KCNB2: variants seen among roughly 807,000 people sequenced by gnomAD.
KCNB2 encodes the protein potassium voltage-gated channel subfamily B member 2.
A neutral mutation model predicts 61.5 loss-of-function variants in KCNB2; 15 were observed. The observed-to-expected ratio is 0.24, with a 90% CI of 0.16 to 0.38. KCNB2 has a LOEUF of 0.38. Ranked by LOEUF, KCNB2 falls within the 10% of genes least tolerant of loss-of-function variation. KCNB2 has a pLI of 1.00. For synonymous variants in KCNB2, 457 were observed against 446.0 expected, an observed-to-expected ratio of 1.02 and a Z score of -0.31; for missense variants, 828 against 1,125.2, an observed-to-expected ratio of 0.74 and a Z score of 3.78.
intron 2 of KCNB2, among the ~76,000 whole-genome samples, chr8:72,597,785 C>G (rs1807222643): frequency 6.6e-6 from 1 of 152,122 alleles, no homozygotes; most frequent in Non-Finnish European, 1.5e-5. Context: ...CTAACTTTAT[C>G]AGCCAGGAAG....
intron 1 of KCNB2, among the ~76,000 whole-genome samples, chr8:72,558,161 C>G (rs923766270): frequency 6.6e-6 from 1 of 152,194 alleles, no homozygotes; most frequent in African/African-American, 2.4e-5. Flanking sequence ...TAACTCACGT[C>G]AAGTAGATGT....
rs571167493 is a variant in KCNB2, at chr8:72,542,339, C to T, written c.-94+4454C>T. The stretch of plus-strand genomic sequence containing the variant: ...GGTTCAATCACATTGTATAGCCAAC[C>T]TTGAACCTACAATTGGCTTATTAGA... On this transcript the variant is annotated intron_variant, in intron 1 of 2. Transcript: ENST00000523207. Among the ~76,000 whole-genome samples, 5 of 152,190 alleles carry T rather than the reference C, an allele frequency of 3.3e-5. No individual in the cohort carries two copies. The South Asian group carries it at 1.0e-3, about 32-fold the overall frequency.
chr8:72,654,848 C>A (rs1483155229), intron 2 of KCNB2, among the ~76,000 whole-genome samples: 1 of 152,082 alleles, frequency 6.6e-6, no homozygotes, highest in African/African-American at 2.4e-5. Flanking sequence ...TTATACATAG[C>A]GAGTGGAATG....
At chr8:72,767,513 TATA>T (rs1459827612) in intron 2 of KCNB2, among the ~76,000 whole-genome samples, 9 of 151,050 alleles carry the variant, frequency 6.0e-5, no homozygotes, top group Non-Finnish European at 1.2e-4. Context: ...TTTCACTCAG[TATA>T]ATGTTTTTAA....
At chr8:72,785,314 G>A (rs1345356830) in intron 2 of KCNB2, among the ~76,000 whole-genome samples, 4 of 152,092 alleles carry the variant, frequency 2.6e-5, no homozygotes, top group African/African-American at 7.2e-5. Context: ...AGGGAAAAAA[G>A]CAATTATAAA....
rs192640262 is a variant in KCNB2 at position 72,797,671 on chromosome 8, T to C, written c.580-138264T>C. Among the ~76,000 whole-genome samples, 491 of 152,356 alleles carry C rather than the reference T, an allele frequency of 3.2e-3. 3 individuals carry two copies. Among genetic ancestry groups the C allele is most frequent in the Non-Finnish European group, 5.9e-3 (402 of 68,042 alleles). ...TTTCTCATCCATCTGGGATAACCCA[T>C]GCTGACAAAGCTTAGCTCTGTGAAA... On this transcript the variant is annotated intron_variant, in intron 2 of 2. Coordinates refer to ENST00000523207, the MANE Select transcript of KCNB2 (RefSeq NM_004770.3).
At chr8:72,909,217 T>G in intron 2 of KCNB2, among the ~76,000 whole-genome samples, 1 of 152,140 alleles carries the variant, frequency 6.6e-6, no homozygotes, top group East Asian at 1.9e-4. Context: ...CTCACATTGG[T>G]GTAGCTCATG....
chr8:72,856,667 T>C (rs1300033340), intron 2 of KCNB2, among the ~76,000 whole-genome samples: 1 of 152,206 alleles, frequency 6.6e-6, no homozygotes, highest in Non-Finnish European at 1.5e-5. Context: ...TCCTCTGTTT[T>C]TTATGAATCC....
chr8:72,541,206 A>G (rs189297234), intron 1 of KCNB2, among the ~76,000 whole-genome samples: 26 of 151,912 alleles, frequency 1.7e-4, no homozygotes, highest in African/African-American at 4.8e-4. Context: ...TCATTAAAAT[A>G]TTTAATTTTA....
chr8:72,706,542 G>A (rs1395846922), intron 2 of KCNB2, among the ~76,000 whole-genome samples: 1 of 152,114 alleles, frequency 6.6e-6, no homozygotes, highest in Non-Finnish European at 1.5e-5. Flanking sequence ...ATGGTGCCAG[G>A]TTTTTCCTCA....
Position 72,561,733 on chromosome 8 carries a change from A to ATGTG in KCNB2, c.-93-5908_-93-5907insGTGT, listed in dbSNP as rs1554576127. Among the ~76,000 whole-genome samples the ATGTG allele has an allele frequency of 1.2e-3, 22 of 18,486 alleles. 1 individual carries two copies. Among genetic ancestry groups the ATGTG allele is most frequent in the Non-Finnish European group, 1.8e-3 (21 of 11,742 alleles). 12.1% of individuals were successfully genotyped at this position (18,486 alleles called of 152,430 possible). On this transcript the variant is annotated intron_variant, in intron 1 of 2. Coordinates refer to ENST00000523207, the MANE Select transcript of KCNB2 (RefSeq NM_004770.3). Reference sequence around the variant, plus strand: ...TATATATATATATATATATATCTATATCTATATATATATGTATATATATAT... The same window carrying ATGTG: ...TATATATATATATATATATATCTATATGTGTCTATATATATATGTATATATATAT...
At chr8:72,608,717 G>A (rs1805493994) in intron 2 of KCNB2, among the ~76,000 whole-genome samples, 1 of 152,170 alleles carries the variant, frequency 6.6e-6, no homozygotes, top group South Asian at 2.1e-4. Context: ...TCTCCAAGAT[G>A]AGAGATAAGA....
chr8:72,738,629 TG>T (rs921280070), intron 2 of KCNB2, among the ~76,000 whole-genome samples: 2 of 152,156 alleles, frequency 1.3e-5, no homozygotes, highest in Non-Finnish European at 2.9e-5. Flanking sequence ...TGCCAATCCC[TG>T]GGAGAAAAGC....
At chr8:72,770,549 T>C (rs943106643) in intron 2 of KCNB2, among the ~76,000 whole-genome samples, 2 of 152,216 alleles carry the variant, frequency 1.3e-5, no homozygotes, top group African/African-American at 4.8e-5. Flanking sequence ...ATGGTCATGC[T>C]ATATAAATTT....
rs191283110 is a variant in KCNB2, at chr8:72,543,458, A to C, written c.-94+5573A>C. On this transcript the variant is annotated intron_variant, in intron 1 of 2. Coordinates refer to ENST00000523207, the MANE Select transcript of KCNB2 (RefSeq NM_004770.3). ...TTTATATATTTGGCACTTTGAAATA[A>C]GAGCAAAATAAATATATTCATTGAG... Among the ~76,000 whole-genome samples the C allele has an allele frequency of 1.6e-3, 249 of 152,318 alleles. 3 individuals carry two copies. The highest frequency in any genetic ancestry group is 3.1e-3 in the Non-Finnish European group (209 of 68,020).
At chr8:72,825,041 C>T (rs922185754) in intron 2 of KCNB2, among the ~76,000 whole-genome samples, 1 of 152,192 alleles carries the variant, frequency 6.6e-6, no homozygotes, top group Non-Finnish European at 1.5e-5. Flanking sequence ...ACCCACTAAA[C>T]ACTAATTCGT....
intron 2 of KCNB2, among the ~76,000 whole-genome samples, chr8:72,896,902 A>G (rs575913938): frequency 2.0e-5 from 3 of 152,280 alleles, no homozygotes; most frequent in South Asian, 2.1e-4. Context: ...CTCATTGTCA[A>G]TATCTATGTA....
chr8:72,705,274 A>T (rs1807202799), intron 2 of KCNB2, among the ~76,000 whole-genome samples: 1 of 152,194 alleles, frequency 6.6e-6, no homozygotes, highest in Non-Finnish European at 1.5e-5. Context: ...TTTTCTTGAG[A>T]TGGCCCCTCT....
intron 2 of KCNB2, among the ~76,000 whole-genome samples, chr8:72,885,579 G>A (rs977371594): frequency 6.6e-6 from 1 of 152,030 alleles, no homozygotes; most frequent in Admixed American, 6.6e-5. Flanking sequence ...ATTAAACATT[G>A]GCAGAAGGGT....
Sources: gnomAD v4.1 joint callset for allele counts (sites outside exome capture counted in the v4.1 genomes callset) on GRCh38, gnomAD v4.1.1 for gene constraint, MANE v1.5 for transcripts, NCBI Gene and HGNC (gene_info 2026-07-23, HGNC 2026-07-21) for gene names.